Variants in PCDHA11 observed in about 807,000 individuals in gnomAD.
PCDHA11 encodes the protein protocadherin alpha-11.
PCDHA11 carries 61 observed loss-of-function variants against 70.3 expected under a neutral mutation model. That is an observed-to-expected ratio of 0.87 (90% CI 0.71 to 1.07). The LOEUF (loss-of-function observed/expected upper bound fraction) is 1.07. Among genes scored for constraint, PCDHA11 ranks in the 50% least tolerant of loss-of-function variants. The pLI is 0.00. For synonymous variants in PCDHA11, 633 were observed against 555.1 expected, an observed-to-expected ratio of 1.14 and a Z score of -1.97; for missense variants, 1,324 against 1,237.5, an observed-to-expected ratio of 1.07 and a Z score of -1.05.
chr5:141,006,274 C>T (rs565885323), intron 3 of PCDHA11, among the ~76,000 whole-genome samples: 13 of 152,026 alleles, frequency 8.6e-5, no homozygotes, highest in African/African-American at 2.9e-4. Context: ...TGCAGTGGCA[C>T]GATCTCAGCT....
Position 140,907,311 on chromosome 5 carries a change from T to C in PCDHA11, c.2391+35817T>C, listed in dbSNP as rs534638330. Among the ~76,000 whole-genome samples the C allele has an allele frequency of 5.9e-5, 9 of 152,292 alleles. No individual in the cohort carries two copies. The East Asian group carries it at 1.7e-3, about 29-fold the overall frequency. On this transcript the variant is annotated intron_variant, in intron 1 of 3. Coordinates refer to ENST00000398640, the MANE Select transcript of PCDHA11 (RefSeq NM_018902.5). Reference sequence around the variant, plus strand: ...AGCTGCTTCAGGATGATGGGGAACATGTAAAGACCAGTGAATTCCATATGC... The same window carrying C: ...AGCTGCTTCAGGATGATGGGGAACACGTAAAGACCAGTGAATTCCATATGC...
At chr5:140,889,414 C>T (rs1014981678) in intron 1 of PCDHA11, among the ~76,000 whole-genome samples, 3 of 151,934 alleles carry the variant, frequency 2.0e-5, no homozygotes, top group Admixed American at 6.6e-5. Flanking sequence ...GAGTCAGTTA[C>T]GTAGATAATA....
At chr5:140,882,648 A>C in intron 1 of PCDHA11, 1 of 1,614,216 alleles carries the variant, frequency 6.2e-7, no homozygotes, top group Non-Finnish European at 8.5e-7. Context: ...AGGGACATTA[A>C]CGACAACCCG....
At chr5:140,968,813 A>G (rs1554231120) in intron 1 of PCDHA11, 1 of 1,614,194 alleles carries the variant, frequency 6.2e-7, no homozygotes, top group South Asian at 1.1e-5. Context: ...TGTGGTGGAT[A>G]GGGTTTCCAA....
intron 1 of PCDHA11, chr5:140,928,625 A>T: frequency 6.2e-7 from 1 of 1,614,224 alleles, no homozygotes; most frequent in African/African-American, 1.3e-5. Flanking sequence ...AGGACTGGAC[A>T]CTTGGTCACA....
At chr5:140,950,608 T>G (rs1490243292) in intron 1 of PCDHA11, among the ~76,000 whole-genome samples, 1 of 152,086 alleles carries the variant, frequency 6.6e-6, no homozygotes, top group Non-Finnish European at 1.5e-5. Context: ...GACTATGATG[T>G]GCTTATTTAT....
At chr5:140,939,894 T>A (rs1554213013) in intron 1 of PCDHA11, among the ~76,000 whole-genome samples, 1 of 152,220 alleles carries the variant, frequency 6.6e-6, no homozygotes, top group African/African-American at 2.4e-5. Flanking sequence ...TGTTCAAATA[T>A]TCTGCATTCT....
chr5:141,007,394 A>G (rs2098323051), intron 3 of PCDHA11, among the ~76,000 whole-genome samples: 16 of 86,170 alleles, frequency 1.9e-4, no homozygotes, highest in Non-Finnish European at 3.5e-4. Context: ...CTACTAAAAT[A>G]CAAAAAAAAA....
intron 1 of PCDHA11, chr5:140,884,703 A>C: frequency 1.3e-6 from 2 of 1,495,534 alleles, no homozygotes; most frequent in Non-Finnish European, 1.8e-6. Flanking sequence ...TAAACACTTT[A>C]GCCTTCCTTG....
intron 3 of PCDHA11, among the ~76,000 whole-genome samples, chr5:140,993,224 G>A (rs547665525): frequency 6.6e-6 from 1 of 152,210 alleles, no homozygotes; most frequent in East Asian, 1.9e-4. Context: ...TTTTTGGTAT[G>A]TTCTCTCTGA....
chr5:140,978,791 A>T (rs1443899144), intron 1 of PCDHA11, 158 bp from the exon 2 acceptor site: 1 of 976,042 alleles, frequency 1.0e-6, no homozygotes, highest in South Asian at 4.7e-5. Flanking sequence ...AAAGTGCTAT[A>T]TATGTAGATA....
intron 1 of PCDHA11, among the ~76,000 whole-genome samples, chr5:140,917,324 C>CGGGGGGCG (rs1299895515): frequency 1.3e-5 from 1 of 76,124 alleles, no homozygotes; most frequent in Non-Finnish European, 2.9e-5. Context: ...GTTCATGTGG[C>CGGGGGGCG]GGGGGAGGGG....
At chr5:140,897,772 C>T (rs1393087365) in intron 1 of PCDHA11, among the ~76,000 whole-genome samples, 2 of 152,192 alleles carry the variant, frequency 1.3e-5, no homozygotes, top group Non-Finnish European at 2.9e-5. Context: ...ACACTGACTT[C>T]CACAATGGTT....
Position 140,982,581 on chromosome 5 carries a change from C to T in PCDHA11, c.2539+18C>T, listed in dbSNP as rs782060139. On this transcript the variant is annotated intron_variant, in intron 3 of 3. Transcript: ENST00000398640. ...AACACCAGGTAAAGAGCTGGGGTCT[C>T]TCCATTCTTTCTTGGTTTCTGGAAA... 9 of 1,612,098 alleles carry T rather than the reference C, an allele frequency of 5.6e-6. No individual in the cohort carries two copies. The highest frequency in any genetic ancestry group is 4.0e-5 in the African/African-American group (3 of 74,892).
intron 1 of PCDHA11, chr5:140,968,944 G>C (rs782732835): frequency 1.2e-6 from 2 of 1,614,152 alleles, no homozygotes; most frequent in Non-Finnish European, 8.5e-7. Context: ...TCATCATTTT[G>C]AGCATCATCA....
chr5:140,934,373 T>G (rs1414749100), intron 1 of PCDHA11, among the ~76,000 whole-genome samples: 1 of 152,182 alleles, frequency 6.6e-6, no homozygotes, highest in African/African-American at 2.4e-5. Flanking sequence ...TGACTCCTTC[T>G]GTGGTTCTAT....
In PCDHA11 at chr5:140,870,598, G is replaced by A. The variant is rs1273087028; in HGVS notation, c.1495G>A (p.Gly499Ser). The change falls in exon 1 of 4, where the codon GGC (glycine) becomes AGC (serine). Residue 499 changes from glycine (G) to serine (S), a missense_variant. Transcript: ENST00000398640. The part of the protein sequence containing the change: ...VSYSLVERRL[G>S]DRALSSYVSV... Reference sequence around the variant, plus strand: ...CTACTCGCTGGTGGAGCGGCGGTTGGGCGACCGCGCGCTGTCGAGCTACGT... The same window carrying A: ...CTACTCGCTGGTGGAGCGGCGGTTGAGCGACCGCGCGCTGTCGAGCTACGT... The A allele has an allele frequency of 3.7e-6, 6 of 1,613,282 alleles. No individual in the cohort carries two copies. The African/African-American group carries it at 8.0e-5, about 22-fold the overall frequency.
intron 1 of PCDHA11, among the ~76,000 whole-genome samples, chr5:140,952,671 A>C (rs1429468287): frequency 6.6e-6 from 1 of 152,176 alleles, no homozygotes; most frequent in Admixed American, 6.5e-5. Context: ...AGTCACTTTC[A>C]CATTTTCAGG....
intron 3 of PCDHA11, among the ~76,000 whole-genome samples, chr5:140,992,147 G>A (rs1304729438): frequency 2.0e-5 from 3 of 151,714 alleles, no homozygotes; most frequent in Non-Finnish European, 4.4e-5. Context: ...TGCTAACTTT[G>A]CTCAATCAAG....
Sources: gnomAD v4.1 joint callset for allele counts (sites outside exome capture counted in the v4.1 genomes callset) on GRCh38, gnomAD v4.1.1 for gene constraint, MANE v1.5 for transcripts, NCBI Gene and HGNC (gene_info 2026-07-23, HGNC 2026-07-21) for gene names.